Variants in SLC25A24 observed in about 807,000 individuals in gnomAD.
SLC25A24 encodes solute carrier family 25 member 24.
A neutral mutation model predicts 60.7 loss-of-function variants in SLC25A24; 49 were observed. The observed-to-expected ratio is 0.81, with a 90% confidence interval of 0.64 to 1.02. The LOEUF (loss-of-function observed/expected upper bound fraction) is 1.02, where lower values mean the gene tolerates loss of function less well. SLC25A24 is among the 50% of genes least tolerant of loss of function. The pLI is 0.00. For synonymous variants in SLC25A24, 202 were observed against 200.6 expected, an observed-to-expected ratio of 1.01 and a Z score of -0.06; for missense variants, 564 against 586.3, an observed-to-expected ratio of 0.96 and a Z score of 0.39.
At chr1:108,187,075 C>A in intron 1 of SLC25A24, among the ~76,000 whole-genome samples, 1 of 81,512 alleles carries the variant, frequency 1.2e-5, no homozygotes, top group Admixed American at 1.1e-4. Flanking sequence ...GAAACTCTAT[C>A]TCAAAAAAAA....
chr1:108,173,717 G>A (rs1181692793), intron 3 of SLC25A24, among the ~76,000 whole-genome samples: 2 of 152,178 alleles, frequency 1.3e-5, no homozygotes, highest in Non-Finnish European at 2.9e-5. Context: ...AAGACAAAAA[G>A]AGGTGGGAAA....
chr1:108,187,680 T>C (rs1209865715), intron 1 of SLC25A24, among the ~76,000 whole-genome samples: 1 of 151,856 alleles, frequency 6.6e-6, no homozygotes, highest in Non-Finnish European at 1.5e-5. Flanking sequence ...GAGGACCCCA[T>C]GGTTTTAACA....
At chr1:108,138,943 G>C (rs1160084666) in intron 9 of SLC25A24, 115 bp downstream of exon 9, 11 of 1,074,564 alleles carry the variant, frequency 1.0e-5, no homozygotes, top group Non-Finnish European at 1.4e-5. Flanking sequence ...ATGAAAAAAA[G>C]GTTGAGAAAT....
At chr1:108,153,279 C>T (rs1020173) in intron 6 of SLC25A24, among the ~76,000 whole-genome samples, 76,920 of 151,846 alleles carry the variant, frequency 0.51, 20,049 homozygotes, top group African/African-American at 0.63. Context: ...GAGCTACATA[C>T]CAGGTTGAAA....
chr1:108,195,096 A>G (rs1431233335), intron 1 of SLC25A24, among the ~76,000 whole-genome samples: 2 of 152,234 alleles, frequency 1.3e-5, no homozygotes, highest in African/African-American at 4.8e-5. Context: ...ACTCCATTCA[A>G]TCCTTAAAAA....
intron 3 of SLC25A24, among the ~76,000 whole-genome samples, chr1:108,166,413 C>T (rs1482865365): frequency 1.3e-5 from 2 of 152,138 alleles, no homozygotes; most frequent in African/African-American, 2.4e-5. Flanking sequence ...CCATTCTCCC[C>T]GTCACTTTCA....
chr1:108,158,245 T>A (rs1679957528), intron 4 of SLC25A24, among the ~76,000 whole-genome samples: 2 of 152,180 alleles, frequency 1.3e-5, no homozygotes, highest in Non-Finnish European at 2.9e-5. Context: ...TTTCAAATCA[T>A]CACCCCTTCA....
At chr1:108,169,346 C>A (rs521618) in intron 3 of SLC25A24, among the ~76,000 whole-genome samples, 30,274 of 151,962 alleles carry the variant, frequency 0.2, 3,149 homozygotes, top group Admixed American at 0.22. Context: ...TCAAAAAAAC[C>A]AGGTGGGTTT....
intron 1 of SLC25A24, among the ~76,000 whole-genome samples, chr1:108,196,243 C>T (rs1241797926): frequency 1.3e-5 from 2 of 152,154 alleles, no homozygotes; most frequent in South Asian, 2.1e-4. Flanking sequence ...TACCAGTCCA[C>T]CCACTCCTCT....
chr1:108,200,329 C>A lies in SLC25A24; in HGVS notation c.-191G>T, dbSNP rs1344021328. 5 of 362,596 alleles carry A rather than the reference C, an allele frequency of 1.4e-5. No homozygotes were observed. The highest frequency in any genetic ancestry group is 2.3e-5 in the Non-Finnish European group (5 of 215,926). The allele number at this position is 362,596 out of a possible 1,614,324, so 22.5% of individuals were successfully genotyped here. ...AGCGGAGACCCCACCCGAGCCCGCG[C>A]GGAGCGCAGGGTGTGGCCGTCCCGC... is the stretch of plus-strand genomic sequence containing the variant. On this transcript the variant is annotated 5_prime_UTR_variant, in exon 1 of 10. Transcript: ENST00000565488.
chr1:108,159,655 G>T (rs1303581506), intron 4 of SLC25A24, among the ~76,000 whole-genome samples: 1 of 151,704 alleles, frequency 6.6e-6, no homozygotes, highest in Admixed American at 6.6e-5. Flanking sequence ...AGATTAGGGA[G>T]TGGTGATGAC....
rs537550137 is a variant in SLC25A24 at position 108,191,149 on chromosome 1, T to C, written c.184-5195A>G. On this transcript the variant is annotated intron_variant, in intron 1 of 9. Coordinates refer to ENST00000565488, the MANE Select transcript of SLC25A24 (RefSeq NM_013386.5). ...TGAAGAACACTTAACTTTTTTTTTTTCTTTTTGAGATGGAGTCTCACTCTG... is the reference window on the plus strand; with the variant it reads ...TGAAGAACACTTAACTTTTTTTTTTCCTTTTTGAGATGGAGTCTCACTCTG... Among the ~76,000 whole-genome samples the C allele has an allele frequency of 2.6e-4, 36 of 138,860 alleles. 2 individuals carry two copies. The highest frequency in any genetic ancestry group is 8.8e-4 in the African/African-American group (35 of 39,812). 91.1% of individuals were successfully genotyped at this position (138,860 alleles called of 152,430 possible).
intron 7 of SLC25A24, among the ~76,000 whole-genome samples, chr1:108,146,013 CTATGA>C: frequency 6.6e-6 from 1 of 152,148 alleles, no homozygotes; most frequent in South Asian, 2.1e-4. Flanking sequence ...CTGATTCTTC[CTATGA>C]TATGATATTG....
At chr1:108,193,105 C>A (rs1055056855) in intron 1 of SLC25A24, among the ~76,000 whole-genome samples, 1 of 139,632 alleles carries the variant, frequency 7.2e-6, no homozygotes, top group African/African-American at 2.5e-5. Flanking sequence ...GGCGGCCTGC[C>A]AACATTTAAA....
chr1:108,178,230 G>C (rs1432982736), intron 3 of SLC25A24, among the ~76,000 whole-genome samples: 1 of 152,078 alleles, frequency 6.6e-6, no homozygotes, highest in Admixed American at 6.5e-5. Flanking sequence ...TGAAAGGAGA[G>C]AGAGACTGCA....
Position 108,156,264 on chromosome 1 carries a change from G to A in SLC25A24, c.670-1129C>T, listed in dbSNP as rs545280878. ...ACCAGGGGTAATAAGCTTTCAGTGA[G>A]TTATGTGAGTCTTTCTAGAGAAGTA... On this transcript the variant is annotated intron_variant, in intron 5 of 9. Coordinates refer to ENST00000565488, the MANE Select transcript of SLC25A24 (RefSeq NM_013386.5). Among the ~76,000 whole-genome samples, 11 of 152,320 alleles carry A rather than the reference G, an allele frequency of 7.2e-5. No individual in the cohort carries two copies. In the East Asian group the frequency reaches 9.6e-4, roughly 13 times the overall value.
chr1:108,186,799 C>T (rs142941283), intron 1 of SLC25A24, among the ~76,000 whole-genome samples: 52 of 152,074 alleles, frequency 3.4e-4, no homozygotes, highest in Admixed American at 5.9e-4. Flanking sequence ...CAAGTTGGGC[C>T]GGGCACAGTG....
At chr1:108,184,734 G>C (rs1648059792) in intron 2 of SLC25A24, among the ~76,000 whole-genome samples, 1 of 152,134 alleles carries the variant, frequency 6.6e-6, no homozygotes, top group Admixed American at 6.5e-5. Flanking sequence ...GCAGAGACAA[G>C]TAGCTACAAC....
chr1:108,143,805 A>G (rs534788155), intron 7 of SLC25A24, 95 bp from the exon 8 acceptor site: 1 of 877,536 alleles, frequency 1.1e-6, no homozygotes, highest in Non-Finnish European at 1.8e-6. Context: ...AATACCTAGC[A>G]CATATTGTCA....
Sources: gnomAD v4.1 joint callset for allele counts (sites outside exome capture counted in the v4.1 genomes callset) on GRCh38, gnomAD v4.1.1 for gene constraint, MANE v1.5 for transcripts, NCBI Gene and HGNC (gene_info 2026-07-23, HGNC 2026-07-21) for gene names.